The following RNF111 variants were observed in gnomAD, a reference collection of about 807,000 sequenced individuals.
RNF111 encodes ring finger protein 111.
In RNF111, 17 loss-of-function variants were observed where a neutral mutation model predicts 95.1. The observed-to-expected ratio is 0.18, with a 90% confidence interval of 0.12 to 0.27. The LOEUF (loss-of-function observed/expected upper bound fraction) is 0.27, where lower values mean the gene tolerates loss of function less well. Among genes scored for constraint, RNF111 ranks in the 10% least tolerant of loss-of-function variants. The pLI, the probability that RNF111 is intolerant of heterozygous loss-of-function variation, is 1.00. For missense variants in RNF111, 1,189 were observed against 1,210.4 expected, an observed-to-expected ratio of 0.98 and a Z score of 0.26; for synonymous variants, 440 against 414.8, an observed-to-expected ratio of 1.06 and a Z score of -0.74.
At chr15:59,067,901 G>T (rs1353082209) in intron 6 of RNF111, among the ~76,000 whole-genome samples, 1 of 152,082 alleles carries the variant, frequency 6.6e-6, no homozygotes, top group Non-Finnish European at 1.5e-5. Context: ...GGGCAGATGA[G>T]GTTTTCAGTT....
At chr15:59,004,201 C>A (rs1381839460) in intron 1 of RNF111, 6 of 965,490 alleles carry the variant, frequency 6.2e-6, no homozygotes, top group South Asian at 2.1e-5. Flanking sequence ...TAGTTATCTT[C>A]CTTTAACAAG....
chr15:58,992,576 G>A (rs2038866945), intron 1 of RNF111, among the ~76,000 whole-genome samples: 1 of 152,126 alleles, frequency 6.6e-6, no homozygotes, highest in Non-Finnish European at 1.5e-5. Flanking sequence ...ATAGCACCTT[G>A]GGAGGCTGAG....
chr15:59,057,942 T>A (rs1246597470), intron 4 of RNF111, among the ~76,000 whole-genome samples: 5 of 152,208 alleles, frequency 3.3e-5, no homozygotes, highest in Non-Finnish European at 7.3e-5. Context: ...ATCCAGGCAG[T>A]CTTACCCTAG....
intron 1 of RNF111, among the ~76,000 whole-genome samples, chr15:59,004,736 A>C (rs1399006008): frequency 6.6e-6 from 1 of 152,238 alleles, no homozygotes; most frequent in African/African-American, 2.4e-5. Flanking sequence ...TACATTATAA[A>C]TATGCAGTCT....
chr15:59,051,967 A>G (rs1331368592), intron 2 of RNF111, among the ~76,000 whole-genome samples: 3 of 152,110 alleles, frequency 2.0e-5, no homozygotes, highest in African/African-American at 7.2e-5. Flanking sequence ...ATAGTAGAAT[A>G]TCTTATACAA....
At chr15:59,030,718 T>G (rs1487135961) in intron 1 of RNF111, 86 bp from the exon 2 acceptor site, 7 of 914,924 alleles carry the variant, frequency 7.7e-6, no homozygotes, top group Admixed American at 6.0e-5. Flanking sequence ...ATAAGGGATC[T>G]TCTTGGTGGA....
intron 1 of RNF111, among the ~76,000 whole-genome samples, chr15:59,014,561 A>C (rs2039978436): frequency 6.6e-6 from 1 of 152,184 alleles, no homozygotes; most frequent in South Asian, 2.1e-4. Flanking sequence ...TGTTCTTAAG[A>C]AGTTAGAAAG....
At chr15:59,015,207 A>T (rs2040010634) in intron 1 of RNF111, among the ~76,000 whole-genome samples, 1 of 152,266 alleles carries the variant, frequency 6.6e-6, no homozygotes. Context: ...TAAAGAATAA[A>T]AATAAAATAT....
At chr15:58,989,696 A>G (rs563857335) in intron 1 of RNF111, among the ~76,000 whole-genome samples, 3 of 152,256 alleles carry the variant, frequency 2.0e-5, no homozygotes, top group East Asian at 3.9e-4. Flanking sequence ...TCACTTTGGT[A>G]CTCCATTTCT....
intron 1 of RNF111, among the ~76,000 whole-genome samples, chr15:58,992,777 G>T (rs1255900451): frequency 6.6e-6 from 1 of 152,148 alleles, no homozygotes; most frequent in African/African-American, 2.4e-5. Context: ...CCGAGATTGT[G>T]CCACTGCATT....
intron 1 of RNF111, among the ~76,000 whole-genome samples, chr15:59,003,292 A>T (rs1304799442): frequency 1.3e-5 from 2 of 151,660 alleles, no homozygotes; most frequent in Non-Finnish European, 2.9e-5. Flanking sequence ...TTTTGTAGAG[A>T]CATGCTTTTG....
In RNF111 at chr15:59,031,458, C is replaced by G. The variant is rs1475695555; in HGVS notation, c.636C>G (p.Cys212Trp). ...GCAGTTCGTTACGGAGACTTCCATG[C>G]AGAAAGAGATTTGTAAAAAATAATT... The part of the protein sequence containing the change: ...LHGSSLRRLP[C>W]RKRFVKNNSS... Residue 212 changes from cysteine to tryptophan, a missense_variant, in exon 2 of 14, where the codon TGC becomes TGG. Physicochemically the swap from Cys to Trp is radical, Grantham distance 215. Transcript: ENST00000348370. The G allele has an allele frequency of 3.1e-6, 5 of 1,613,934 alleles. No homozygotes were observed. In the East Asian group the frequency reaches 8.9e-5, roughly 29 times the overall value.
intron 1 of RNF111, among the ~76,000 whole-genome samples, chr15:59,025,337 T>G (rs1471165096): frequency 4.6e-5 from 7 of 152,208 alleles, no homozygotes; most frequent in African/African-American, 1.4e-4. Flanking sequence ...AGAAATCTCT[T>G]GAGAAATTTT....
rs543331296 is a variant in RNF111 at position 59,024,600 on chromosome 15, C to T, written c.-19-6204C>T. ...TTACATGTTCTTTTACATATTTATG[C>T]GCATTCTCTTTTTTGAGTGACTTTA... is the stretch of plus-strand genomic sequence containing the variant. On this transcript the variant is annotated intron_variant, in intron 1 of 13. Coordinates refer to ENST00000348370, the MANE Select transcript of RNF111 (RefSeq NM_017610.8). 2.0e-5 allele frequency among the ~76,000 whole-genome samples: 3 copies of T among 152,268 alleles called. No individual in the cohort carries two copies. In the South Asian group the frequency reaches 6.2e-4, roughly 32 times the overall value.
At chr15:59,017,064 A>G (rs1225053677) in intron 1 of RNF111, among the ~76,000 whole-genome samples, 2 of 152,092 alleles carry the variant, frequency 1.3e-5, no homozygotes, top group African/African-American at 4.8e-5. Context: ...GGTGAATTGT[A>G]TAATATTATA....
chr15:59,032,566 C>T (rs2040966063), intron 2 of RNF111, among the ~76,000 whole-genome samples: 1 of 152,076 alleles, frequency 6.6e-6, no homozygotes, highest in Non-Finnish European at 1.5e-5. Context: ...GGACTACAGG[C>T]CCACACCACC....
rs765871578 is a variant in RNF111 at position 59,081,183 on chromosome 15, G to A, written c.2196G>A (p.Ser732=). ...TTCCTCCTACACACCAGCCAATTTCGCACCATATTCCAGCCACAGCACCTC... is the reference window on the plus strand; with the variant it reads ...TTCCTCCTACACACCAGCCAATTTCACACCATATTCCAGCCACAGCACCTC... ...QHLPPTHQPI[S]HHIPATAPPA... Residue 732 remains serine (S), a synonymous_variant, in exon 8 of 14, where the codon TCG becomes TCA. Transcript: ENST00000348370. 12 of 1,613,886 alleles carry A rather than the reference G, an allele frequency of 7.4e-6. No individual in the cohort carries two copies. Among genetic ancestry groups the A allele is most frequent in the African/African-American group, 2.7e-5 (2 of 74,854 alleles).
At chr15:59,024,189 C>T (rs573776001) in intron 1 of RNF111, among the ~76,000 whole-genome samples, 3 of 152,096 alleles carry the variant, frequency 2.0e-5, no homozygotes, top group Non-Finnish European at 4.4e-5. Context: ...TATTATTATT[C>T]TCATTCTGCA....
intron 1 of RNF111, among the ~76,000 whole-genome samples, chr15:59,015,667 A>G (rs2040031015): frequency 6.6e-6 from 1 of 150,556 alleles, no homozygotes; most frequent in African/African-American, 2.4e-5. Context: ...CCCAAGCATT[A>G]GAGTATTTAG....
Sources: gnomAD v4.1 joint callset for allele counts (sites outside exome capture counted in the v4.1 genomes callset) on GRCh38, gnomAD v4.1.1 for gene constraint, MANE v1.5 for transcripts, NCBI Gene and HGNC (gene_info 2026-07-23, HGNC 2026-07-21) for gene names.